DOCK1: variants seen among roughly 807,000 people sequenced by gnomAD.
DOCK1 encodes the protein dedicator of cytokinesis protein 1.
A neutral mutation model predicts 262.7 loss-of-function variants in DOCK1; 138 were observed. The ratio of observed to expected loss-of-function variants is 0.53; its 90% CI spans 0.46 to 0.61. DOCK1 has a LOEUF of 0.61. Ranked by LOEUF, DOCK1 falls within the 20% of genes least tolerant of loss-of-function variation. DOCK1 has a pLI of 0.00. For missense variants in DOCK1, 1,908 were observed against 2,370.7 expected (o/e 0.80, Z 4.05); for synonymous variants, 866 against 867.4 (o/e 1.00, Z 0.03).
intron 27 of DOCK1, among the ~76,000 whole-genome samples, chr10:127,172,189 T>G (rs1163431391): frequency 1.3e-5 from 2 of 152,224 alleles, no homozygotes; most frequent in Non-Finnish European, 2.9e-5. Context: ...GCCCTGTGAA[T>G]CCCTCGTTCT....
chr10:127,220,572 T>G (rs1421705736), intron 27 of DOCK1, among the ~76,000 whole-genome samples: 1 of 152,122 alleles, frequency 6.6e-6, no homozygotes, highest in Non-Finnish European at 1.5e-5. Context: ...CTGGATTTTG[T>G]CTTGCAACCC....
chr10:127,200,580 T>G (rs2057408570), intron 27 of DOCK1, among the ~76,000 whole-genome samples: 1 of 152,080 alleles, frequency 6.6e-6, no homozygotes, highest in Non-Finnish European at 1.5e-5. Context: ...ATTTTTTGTA[T>G]TTTAGTAGAA....
At chr10:127,072,448 C>T (rs886854714) in intron 23 of DOCK1, among the ~76,000 whole-genome samples, 19 of 152,068 alleles carry the variant, frequency 1.2e-4, no homozygotes, top group African/African-American at 4.3e-4. Context: ...AAATCACAGA[C>T]ATAAAATTAT....
chr10:127,441,390 T>A (rs1006187533), intron 49 of DOCK1, among the ~76,000 whole-genome samples: 1 of 152,282 alleles, frequency 6.6e-6, no homozygotes, highest in East Asian at 1.9e-4. Context: ...TTGGCGGTGC[T>A]TCTCAGCATC....
chr10:127,362,887 A>AT (rs2064604623), intron 33 of DOCK1, among the ~76,000 whole-genome samples: 4 of 134,032 alleles, frequency 3.0e-5, no homozygotes, highest in African/African-American at 1.0e-4. Context: ...ACACATCCCC[A>AT]CACACACACA....
chr10:127,417,201 A>G (rs911238871), intron 44 of DOCK1, among the ~76,000 whole-genome samples: 2 of 152,128 alleles, frequency 1.3e-5, no homozygotes, highest in Admixed American at 6.5e-5. Context: ...GGAAGGAGCA[A>G]AGTTATTGCT....
chr10:127,098,918 C>G (rs143166707), intron 23 of DOCK1, among the ~76,000 whole-genome samples: 89 of 152,160 alleles, frequency 5.8e-4, no homozygotes, highest in African/African-American at 2.1e-3. Context: ...GAAGGTTTTT[C>G]CTGCAAGCAC....
intron 1 of DOCK1, among the ~76,000 whole-genome samples, chr10:126,930,570 T>G (rs1349183879): frequency 1.3e-4 from 20 of 152,162 alleles, no homozygotes; most frequent in Admixed American, 6.5e-5. Context: ...ATGCAGCGCC[T>G]CCTCCTGCAT....
In DOCK1 at chr10:127,409,354, C is replaced by T. The variant is rs1014668292; in HGVS notation, c.4306C>T (p.Pro1436Ser). Residue 1436 changes from proline to serine, a missense_variant, in exon 42 of 52, where the codon CCT (proline) becomes TCT (serine). By Grantham distance (74) the Pro-to-Ser change is moderately conservative. Transcript: ENST00000623213. ...AGTGAAGCCCAAACTCGATCTGCCT[C>T]CTAAGTTTCACAGGCCAGTGTCAGA... ...FTVKPKLDLP[P>S]KFHRPVSEQI... 2 of 1,613,856 alleles carry T rather than the reference C, an allele frequency of 1.2e-6. No individual in the cohort carries two copies. Among genetic ancestry groups the T allele is most frequent in the Non-Finnish European group, 1.7e-6 (2 of 1,179,898 alleles).
intron 1 of DOCK1, among the ~76,000 whole-genome samples, chr10:126,937,482 A>G (rs1221222861): frequency 6.9e-6 from 1 of 144,710 alleles, no homozygotes; most frequent in Non-Finnish European, 1.5e-5. Context: ...GTTTCTCCAC[A>G]CTTGTTTTTC....
At chr10:127,382,932 C>A (rs987143569) in intron 37 of DOCK1, among the ~76,000 whole-genome samples, 8 of 152,126 alleles carry the variant, frequency 5.3e-5, no homozygotes, top group Non-Finnish European at 1.2e-4. Flanking sequence ...TGCTGTTTCC[C>A]CTGGGCTTCT....
At chr10:127,337,527 A>T (rs2063253592) in intron 29 of DOCK1, among the ~76,000 whole-genome samples, 2 of 152,226 alleles carry the variant, frequency 1.3e-5, no homozygotes, top group South Asian at 4.2e-4. Context: ...AGCTTTATTC[A>T]AATTTAACTG....
chr10:127,420,248 C>T (rs1179261853), intron 46 of DOCK1, among the ~76,000 whole-genome samples: 1 of 152,182 alleles, frequency 6.6e-6, no homozygotes, highest in African/African-American at 2.4e-5. Flanking sequence ...TTTCACTGTT[C>T]TACTTATGCT....
intron 27 of DOCK1, among the ~76,000 whole-genome samples, chr10:127,191,779 C>T (rs2056773821): frequency 6.6e-6 from 1 of 152,208 alleles, no homozygotes; most frequent in African/African-American, 2.4e-5. Flanking sequence ...CTCATGCCAT[C>T]AGCCTGTGCT....
At chr10:126,938,370 A>C (rs1217481881) in intron 1 of DOCK1, among the ~76,000 whole-genome samples, 1 of 152,054 alleles carries the variant, frequency 6.6e-6, no homozygotes, top group Non-Finnish European at 1.5e-5. Flanking sequence ...TTTGCTTGTG[A>C]ATATCCAGTC....
chr10:127,315,103 C>CT (rs1376333436), intron 29 of DOCK1, among the ~76,000 whole-genome samples: 3 of 152,080 alleles, frequency 2.0e-5, no homozygotes, highest in African/African-American at 7.3e-5. Flanking sequence ...TAAGCCAGCT[C>CT]TTTCTTCCTA....
rs186591779 is a variant in DOCK1 at position 127,339,205 on chromosome 10, C to T, written c.3123+121C>T. The T allele has an allele frequency of 1.2e-3, 1,007 of 841,570 alleles. 9 individuals carry two copies. The African/African-American group carries it at 0.015, about 13-fold the overall frequency. The allele number at this position is 841,570 out of a possible 1,614,324, so 52.1% of individuals were successfully genotyped here. On this transcript the variant is annotated intron_variant, in intron 30 of 51. Coordinates refer to ENST00000623213, the MANE Select transcript of DOCK1 (RefSeq NM_001290223.2). ...CTTAATTGGTCTCCCATCCAAGATG[C>T]GGAAACGGAATTTGTAGTATGTACT...
At chr10:127,367,245 C>T (rs1476393030) in intron 33 of DOCK1, among the ~76,000 whole-genome samples, 3 of 152,214 alleles carry the variant, frequency 2.0e-5, no homozygotes, top group Admixed American at 6.5e-5. Context: ...TTCATTAGAA[C>T]GTTCTTTCCC....
chr10:127,168,642 G>T (rs1200363716), intron 27 of DOCK1, among the ~76,000 whole-genome samples: 1 of 152,178 alleles, frequency 6.6e-6, no homozygotes, highest in Non-Finnish European at 1.5e-5. Flanking sequence ...CTATTAAGTG[G>T]GTAGGTTTTG....
Sources: gnomAD v4.1 joint callset for allele counts (sites outside exome capture counted in the v4.1 genomes callset) on GRCh38, gnomAD v4.1.1 for gene constraint, MANE v1.5 for transcripts, NCBI Gene and HGNC (gene_info 2026-07-23, HGNC 2026-07-21) for gene names.